The following NRXN3 variants were observed in gnomAD, a reference collection of about 807,000 sequenced individuals.
NRXN3 encodes neurexin 3.
A neutral mutation model predicts 137.6 loss-of-function variants in NRXN3; 32 were observed. That is an observed-to-expected ratio of 0.23 (90% CI 0.18 to 0.31). The LOEUF (loss-of-function observed/expected upper bound fraction) is 0.31, where lower values mean the gene tolerates loss of function less well. Ranked by LOEUF, NRXN3 falls within the 10% of genes least tolerant of loss-of-function variation. The pLI is 1.00. For synonymous variants in NRXN3, 798 were observed against 784.5 expected (o/e 1.02, Z -0.29); for missense variants, 1,574 against 2,062.5 (o/e 0.76, Z 4.59).
At chr14:78,831,951 A>T (rs556510167) in intron 10 of NRXN3, among the ~76,000 whole-genome samples, 1 of 152,268 alleles carries the variant, frequency 6.6e-6, no homozygotes, top group African/African-American at 2.4e-5. Context: ...GTCTTGGTGT[A>T]CAAGAGTGGG....
At chr14:78,308,335 G>T (rs930655598) in intron 4 of NRXN3, among the ~76,000 whole-genome samples, 2 of 152,050 alleles carry the variant, frequency 1.3e-5, no homozygotes, top group Non-Finnish European at 2.9e-5. Flanking sequence ...AGTTAGGAGG[G>T]ATGATGGTGT....
chr14:79,526,584 A>G (rs2097122740), intron 16 of NRXN3, among the ~76,000 whole-genome samples: 1 of 152,182 alleles, frequency 6.6e-6, no homozygotes, highest in South Asian at 2.1e-4. Context: ...GTGAATTTAT[A>G]TGTTCCGCCA....
At chr14:79,820,537 T>C (rs1052547150) in intron 20 of NRXN3, among the ~76,000 whole-genome samples, 3 of 152,206 alleles carry the variant, frequency 2.0e-5, no homozygotes, top group Non-Finnish European at 2.9e-5. Flanking sequence ...TTTAGGTTTA[T>C]GGGTACATGT....
At position 78,243,209 on chromosome 14, in the gene NRXN3, G is replaced by A. The variant is rs1026376180; in HGVS notation, c.116G>A (p.Arg39His). Residue 39 changes from arginine to histidine, a missense_variant, in exon 2 of 21, where the codon CGC (arginine) becomes CAC (histidine). Arg to His is a conservative substitution (Grantham distance 29, BLOSUM62 0). Around this residue, in one of 5 missense-constraint regions of NRXN3, gnomAD observed 400 missense variants for 527.3 expected, o/e 0.76. Transcript: ENST00000335750. This position sits in a 1 kb window ranked among gnomAD's most constrained non-coding sequence, Gnocchi z 4.2. ...EFMGLPNQWA[R>H]YLRWDASTRS... is the part of the protein sequence containing the mutation. ...ATGGGCCTCCCCAACCAGTGGGCCC[G>A]CTACCTCCGCTGGGATGCCAGCACA... The A allele has an allele frequency of 7.8e-6, 12 of 1,546,286 alleles. No individual in the cohort carries two copies. Among genetic ancestry groups the A allele is most frequent in the African/African-American group, 1.4e-5 (1 of 73,490 alleles).
chr14:79,611,175 C>T (rs933627158), intron 16 of NRXN3, among the ~76,000 whole-genome samples: 6 of 152,092 alleles, frequency 3.9e-5, no homozygotes, highest in African/African-American at 1.2e-4. Flanking sequence ...GACACATGGA[C>T]GGGCTTTAGG....
At chr14:78,789,317 C>G (rs1215120228) in intron 8 of NRXN3, among the ~76,000 whole-genome samples, 3 of 152,110 alleles carry the variant, frequency 2.0e-5, no homozygotes, top group South Asian at 4.1e-4. Flanking sequence ...TTTCCATATG[C>G]TCTAGTTAAG....
At chr14:79,581,010 A>G (rs1051729510) in intron 16 of NRXN3, among the ~76,000 whole-genome samples, 1 of 152,116 alleles carries the variant, frequency 6.6e-6, no homozygotes, top group African/African-American at 2.4e-5. Context: ...CAGTCTGTTC[A>G]GGGAGCAGAG....
At chr14:78,912,519 C>T (rs1013656083) in intron 10 of NRXN3, among the ~76,000 whole-genome samples, 2 of 152,026 alleles carry the variant, frequency 1.3e-5, no homozygotes, top group Non-Finnish European at 1.5e-5. Flanking sequence ...TTTCATGTCA[C>T]TGCTGCTCAT....
intron 7 of NRXN3, 107 bp downstream of exon 7, chr14:78,709,762 T>C: frequency 1.0e-6 from 1 of 992,740 alleles, no homozygotes; most frequent in East Asian, 2.4e-5. Context: ...GCTTGTTGAT[T>C]CTTTTGCTAC....
chr14:78,283,508 A>G (rs1043389148), intron 3 of NRXN3: 1 of 151,944 alleles, frequency 6.6e-6, no homozygotes, highest in Non-Finnish European at 1.5e-5. Context: ...GTCTCTGGCT[A>G]ACATTTTTTT....
At chr14:79,593,433 A>T (rs973359394) in intron 16 of NRXN3, among the ~76,000 whole-genome samples, 2 of 152,094 alleles carry the variant, frequency 1.3e-5, no homozygotes, top group African/African-American at 4.8e-5. Flanking sequence ...GATCGAGACC[A>T]TCCTGGCTAA....
chr14:78,282,911 C>T (rs752932463), intron 3 of NRXN3, among the ~76,000 whole-genome samples: 2 of 152,206 alleles, frequency 1.3e-5, no homozygotes, highest in Non-Finnish European at 2.9e-5. Context: ...GCAGAACCGA[C>T]CAGCAGATTC....
Position 79,668,151 on chromosome 14 carries a change from C to A in NRXN3, c.3616+4202C>A, listed in dbSNP as rs187644962. On this transcript the variant is annotated intron_variant, in intron 17 of 20. Coordinates refer to ENST00000335750, the MANE Select transcript of NRXN3 (RefSeq NM_001330195.2). Reference sequence around the variant, plus strand: ...CTACATTTAAATCCTATTTGACCACCCAACTTAGAACGTGAAAAAGAGGTA... The same window carrying A: ...CTACATTTAAATCCTATTTGACCACACAACTTAGAACGTGAAAAAGAGGTA... Among the ~76,000 whole-genome samples, 704 of 152,072 alleles carry A rather than the reference C, an allele frequency of 4.6e-3. 8 individuals are homozygous for A. Among genetic ancestry groups the A allele is most frequent in the Non-Finnish European group, 5.8e-3 (395 of 67,954 alleles).
intron 1 of NRXN3, among the ~76,000 whole-genome samples, chr14:78,231,961 C>A (rs987848819): frequency 1.3e-5 from 2 of 152,256 alleles, no homozygotes; most frequent in African/African-American, 4.8e-5. Context: ...ACACTGTCCC[C>A]TTTCTAGGGG....
At chr14:79,667,965 G>C (rs191389514) in intron 17 of NRXN3, among the ~76,000 whole-genome samples, 1 of 151,998 alleles carries the variant, frequency 6.6e-6, no homozygotes, top group Admixed American at 6.6e-5. Flanking sequence ...TCCAGTAAAG[G>C]CTTTTCAGGT....
At chr14:78,209,836 C>T (rs150252345) in intron 1 of NRXN3, among the ~76,000 whole-genome samples, 1 of 152,162 alleles carries the variant, frequency 6.6e-6, no homozygotes, top group Non-Finnish European at 1.5e-5. Context: ...GCAGTCCTCT[C>T]CCTCAGCACT....
intron 15 of NRXN3, among the ~76,000 whole-genome samples, chr14:79,157,071 A>C (rs184614137): frequency 6.6e-6 from 1 of 151,808 alleles, no homozygotes; most frequent in East Asian, 2.0e-4. Context: ...TTTGGTGTTA[A>C]TTGGTATCTG....
intron 4 of NRXN3, among the ~76,000 whole-genome samples, chr14:78,471,096 T>C (rs1166207245): frequency 6.6e-6 from 1 of 152,112 alleles, no homozygotes; most frequent in Non-Finnish European, 1.5e-5. Context: ...AGTGGTTCTT[T>C]GGGGAGGGAC....
intron 4 of NRXN3, among the ~76,000 whole-genome samples, chr14:78,636,178 C>G (rs1281331823): frequency 6.6e-6 from 1 of 152,116 alleles, no homozygotes; most frequent in East Asian, 1.9e-4. Context: ...ATCCAAATAT[C>G]AGTTCTATTG....
Sources: allele counts gnomAD v4.1 joint callset (sites outside exome capture counted in the v4.1 genomes callset), GRCh38; gene constraint gnomAD v4.1.1; regional missense constraint gnomAD v4.1.1; non-coding constraint Gnocchi (gnomAD v3.1); transcripts MANE v1.5; gene names NCBI Gene and HGNC (gene_info 2026-07-23, HGNC 2026-07-21).